Variants in RUVBL1 observed in about 807,000 individuals in gnomAD.
The protein encoded by RUVBL1 is ruvB-like 1.
In RUVBL1, 4 loss-of-function variants were observed where a neutral mutation model predicts 52.4. The observed-to-expected ratio is 0.08, with a 90% CI of 0.04 to 0.17. RUVBL1 has a LOEUF of 0.17. Ranked by LOEUF, RUVBL1 falls within the 10% of genes least tolerant of loss-of-function variation. The pLI, the probability that RUVBL1 is intolerant of heterozygous loss-of-function variation, is 1.00. For missense variants in RUVBL1, 298 were observed against 572.8 expected, an observed-to-expected ratio of 0.52 and a Z score of 4.90; for synonymous variants, 217 against 214.4, an observed-to-expected ratio of 1.01 and a Z score of -0.10.
At chr3:128,150,873 T>TTATATATATATAATATA (rs1324042453) in intron 1 of RUVBL1, among the ~76,000 whole-genome samples, 1 of 76,640 alleles carries the variant, frequency 1.3e-5, no homozygotes, top group Non-Finnish European at 2.2e-5. Context: ...ATTATATATA[T>TTATATATATATAATATA]ATATTCTATA....
upstream of RUVBL1, among the ~76,000 whole-genome samples, chr3:128,127,412 T>G (rs1943808763): frequency 6.6e-6 from 1 of 152,162 alleles, no homozygotes; most frequent in Admixed American, 6.5e-5. Context: ...TCTCATTCCC[T>G]TACTCCCACG....
intron 1 of RUVBL1, among the ~76,000 whole-genome samples, chr3:128,140,227 TG>T (rs1944000311): frequency 1.9e-5 from 1 of 53,482 alleles, no homozygotes; most frequent in African/African-American, 7.0e-5. Flanking sequence ...TTTTTTTGTT[TG>T]TTTGTTTTTT....
Position 128,081,567 on chromosome 3 carries a change from C to T in RUVBL1, c.1212-158G>A. The T allele has an allele frequency of 2.8e-6, 2 of 721,680 alleles. No homozygotes were observed. The highest frequency in any genetic ancestry group is 4.5e-6 in the Non-Finnish European group (2 of 447,324). The allele number at this position is 721,680 out of a possible 1,614,324, so 44.7% of individuals were successfully genotyped here. On this transcript the variant is annotated intron_variant, in intron 10 of 10. Coordinates refer to ENST00000322623, the MANE Select transcript of RUVBL1 (RefSeq NM_003707.3). This position sits in a 1 kb window ranked among gnomAD's most constrained non-coding sequence, Gnocchi z 4.8. ...CAGAAAAGGGGAGACAAAGTTGTCA[C>T]TTCTCAGAGAGCTGCAGTCATTATC...
At chr3:128,099,052 A>G (rs1030626915) in intron 6 of RUVBL1, 107 bp from the exon 7 acceptor site, 2 of 902,886 alleles carry the variant, frequency 2.2e-6, no homozygotes, top group African/African-American at 3.3e-5. Flanking sequence ...TGAGGTATGG[A>G]GACCCCTCCT....
chr3:128,112,956 C>T lies in RUVBL1; in HGVS notation c.293G>A (p.Gly98Glu). 6.2e-7 allele frequency: 1 copy of T among 1,614,132 alleles called. No individual in the cohort carries two copies. The highest frequency in any genetic ancestry group is 8.5e-7 in the Non-Finnish European group (1 of 1,180,026). ...GSKVPFCPMV[G>E]SEVYSTEIKK... ...GATCTCAGTTGAGTAAACTTCACTC[C>T]CCACCATTGGGCAGAAGGGGACCTT... Residue 98 changes from glycine (G) to glutamate (E), a missense_variant, in exon 3 of 11, where the codon GGG becomes GAG. This residue lies in a region of RUVBL1 where 71 missense variants were observed against 125.7 expected (regional missense o/e 0.57). Transcript: ENST00000322623.
downstream of RUVBL1, among the ~76,000 whole-genome samples, chr3:128,080,120 C>T (rs979558046): frequency 3.5e-4 from 54 of 152,242 alleles, no homozygotes; most frequent in African/African-American, 1.3e-3. Flanking sequence ...ACTTAGTGGG[C>T]GAACGCAGAG....
intron 3 of RUVBL1, among the ~76,000 whole-genome samples, chr3:128,106,313 T>C (rs566812253): frequency 6.6e-6 from 1 of 152,362 alleles, no homozygotes; most frequent in East Asian, 1.9e-4. Flanking sequence ...TAAACGTTTG[T>C]TCATTATCCA....
At chr3:128,079,877 G>A (rs116495217), downstream of RUVBL1, among the ~76,000 whole-genome samples, 697 of 152,340 alleles carry the variant, frequency 4.6e-3, 6 homozygotes, top group African/African-American at 0.015. Flanking sequence ...GGACCAAGAT[G>A]ACCATCCTAG....
chr3:128,065,119 T>G (rs777394539), exon 10 of RUVBL1: 2 of 1,362,886 alleles, frequency 1.5e-6, no homozygotes, highest in African/African-American at 1.4e-5. Context: ...CCCCACTCTG[T>G]GGGGTGCACT....
At chr3:128,126,166 A>G (rs1423745064), upstream of RUVBL1, among the ~76,000 whole-genome samples, 1 of 151,760 alleles carries the variant, frequency 6.6e-6, no homozygotes, top group Non-Finnish European at 1.5e-5. Context: ...GTAGGATACC[A>G]GCTCCATGCC....
chr3:128,096,071 C>T (rs1191936077), intron 8 of RUVBL1, among the ~76,000 whole-genome samples: 2 of 152,200 alleles, frequency 1.3e-5, no homozygotes, highest in African/African-American at 2.4e-5. Context: ...TCATGGGCCA[C>T]AGGGTGTCTT....
rs1942463273 is a variant in RUVBL1 at position 128,081,198 on chromosome 3, C to T, written c.*52G>A. 1 of 1,580,862 alleles carries T rather than the reference C, an allele frequency of 6.3e-7. No homozygotes were observed. Among genetic ancestry groups the T allele is most frequent in the Non-Finnish European group, 8.6e-7 (1 of 1,158,204 alleles). On this transcript the variant is annotated 3_prime_UTR_variant, in exon 11 of 11. Transcript: ENST00000322623. The surrounding 1 kb of genome is among the most constrained non-coding windows in gnomAD (Gnocchi z 4.8). ...CAGGGGCAAGCGCCCACAGGCTGGA[C>T]CCAGGCCAGGCACACCTGGGGAGTC...
chr3:128,072,935 T>C (rs1286910355), intron 9 of RUVBL1, among the ~76,000 whole-genome samples: 1 of 152,208 alleles, frequency 6.6e-6, no homozygotes, highest in Non-Finnish European at 1.5e-5. Flanking sequence ...AGGCTTACTC[T>C]GCTTTTTCCC....
upstream of RUVBL1, among the ~76,000 whole-genome samples, chr3:128,124,060 C>G (rs980046363): frequency 1.3e-5 from 2 of 152,124 alleles, no homozygotes; most frequent in Admixed American, 1.3e-4. Context: ...AGGCAGTGGC[C>G]CCCGGGTACC....
intron 8 of RUVBL1, among the ~76,000 whole-genome samples, chr3:128,096,054 G>C (rs1942960891): frequency 6.6e-6 from 1 of 152,196 alleles, no homozygotes. Flanking sequence ...GCTGTGTCCT[G>C]AGATACTCAT....
In RUVBL1 at chr3:128,097,464, G is replaced by A. The variant is rs1450920950; in HGVS notation, c.852C>T (p.Asn284=). 1 of 1,614,188 alleles carries A rather than the reference G, an allele frequency of 6.2e-7. No homozygotes were observed. Among genetic ancestry groups the A allele is most frequent in the Non-Finnish European group, 8.5e-7 (1 of 1,180,038 alleles). The change falls in exon 8 of 11, where the codon AAC becomes AAT. Residue 284 remains asparagine, a synonymous_variant. Coordinates refer to ENST00000322623, the MANE Select transcript of RUVBL1 (RefSeq NM_003707.3). ...CAGCAATGCCCTGGTCGATGTACTT[G>A]TTCACCACCTTATTAATCTCCCCTC... ...KLRGEINKVV[N]KYIDQGIAEL...
intron 1 of RUVBL1, among the ~76,000 whole-genome samples, chr3:128,137,077 C>T (rs867834459): frequency 5.3e-5 from 8 of 152,100 alleles, no homozygotes; most frequent in African/African-American, 1.4e-4. Flanking sequence ...CCACGTTAGG[C>T]CACAAAACAA....
intron 1 of RUVBL1, among the ~76,000 whole-genome samples, chr3:128,133,811 T>G (rs1943913703): frequency 6.6e-6 from 1 of 152,184 alleles, no homozygotes; most frequent in African/African-American, 2.4e-5. Context: ...GCAAAGACTG[T>G]AATAAATACC....
chr3:128,105,108 C>T (rs972863788), intron 3 of RUVBL1, among the ~76,000 whole-genome samples, 184 bp from the exon 4 acceptor site: 9 of 147,396 alleles, frequency 6.1e-5, no homozygotes, highest in Admixed American at 1.4e-4. Context: ...ATTAGAAATG[C>T]AACTTTTTTT....
Sources: gnomAD v4.1 joint callset for allele counts (sites outside exome capture counted in the v4.1 genomes callset) on GRCh38, gnomAD v4.1.1 for gene constraint, gnomAD v4.1.1 regional missense constraint, Gnocchi (gnomAD v3.1) non-coding constraint, MANE v1.5 for transcripts, NCBI Gene and HGNC (gene_info 2026-07-23, HGNC 2026-07-21) for gene names.